The following SCN1A variants were observed in gnomAD, a reference collection of about 807,000 sequenced individuals.
SCN1A encodes the protein sodium channel protein type 1 subunit alpha.
A neutral mutation model predicts 193.7 loss-of-function variants in SCN1A; 13 were observed. The observed-to-expected ratio is 0.07, with a 90% CI of 0.04 to 0.11. The LOEUF (loss-of-function observed/expected upper bound fraction) is 0.11. Ranked by LOEUF, SCN1A falls within the 10% of genes least tolerant of loss-of-function variation. The pLI is 1.00. For missense variants in SCN1A, 1,432 were observed against 2,451.1 expected (o/e 0.58, Z 8.78); for synonymous variants, 781 against 843.6 (o/e 0.93, Z 1.29).
intron 4 of SCN1A, among the ~76,000 whole-genome samples, chr2:166,070,014 G>T (rs1262982403): frequency 6.6e-6 from 1 of 152,140 alleles, no homozygotes; most frequent in Non-Finnish European, 1.5e-5. Context: ...AATATTGAAA[G>T]AAATATTCAT....
chr2:166,036,014 G>A lies in SCN1A; in HGVS notation c.3429+34C>T, dbSNP rs376887066. ...TGTGTGTATATGTATATATGTATAT[G>A]TATTCATACCTTCCCACACCTATAG... On this transcript the variant is annotated intron_variant, in intron 19 of 28. Transcript: ENST00000674923. The A allele has an allele frequency of 5.2e-5, 83 of 1,594,806 alleles. No individual in the cohort carries two copies. In the African/African-American group the frequency reaches 9.9e-4, roughly 19 times the overall value.
intron 2 of SCN1A, among the ~76,000 whole-genome samples, chr2:166,113,020 A>G (rs1462640593): frequency 6.6e-6 from 1 of 152,158 alleles, no homozygotes; most frequent in East Asian, 1.9e-4. Flanking sequence ...GTAGCACATT[A>G]TTGAACTGGA....
intron 24 of SCN1A, among the ~76,000 whole-genome samples, chr2:166,001,303 TA>T (rs913976241): frequency 9.9e-5 from 15 of 151,718 alleles, no homozygotes; most frequent in African/African-American, 3.4e-4. Context: ...TTACCAGATT[TA>T]AAAAATCTCT....
chr2:166,143,221 C>T (rs986600501), intron 1 of SCN1A, among the ~76,000 whole-genome samples: 3 of 132,274 alleles, frequency 2.3e-5, no homozygotes, highest in South Asian at 2.3e-4. Context: ...GGCTGGAGTG[C>T]GGTGGCAGGA....
chr2:166,116,870 T>C (rs868044586), intron 2 of SCN1A, among the ~76,000 whole-genome samples: 2 of 152,132 alleles, frequency 1.3e-5, no homozygotes, highest in Admixed American at 6.5e-5. Context: ...AAAATAACCA[T>C]ATTTCTAAAA....
intron 2 of SCN1A, among the ~76,000 whole-genome samples, chr2:166,085,268 T>C (rs1335026051): frequency 6.6e-6 from 1 of 152,168 alleles, no homozygotes; most frequent in Non-Finnish European, 1.5e-5. Context: ...TATTAAGAAA[T>C]CATAGTTATT....
chr2:166,145,038 A>C (rs1447683235), intron 1 of SCN1A, among the ~76,000 whole-genome samples: 1 of 151,662 alleles, frequency 6.6e-6, no homozygotes, highest in Non-Finnish European at 1.5e-5. Context: ...GGGTTTCACC[A>C]TGTTGGTCAG....
chr2:166,056,283 T>C (rs1479500132), intron 6 of SCN1A, 128 bp downstream of exon 6: 5 of 681,796 alleles, frequency 7.3e-6, no homozygotes, highest in African/African-American at 1.8e-5. Flanking sequence ...CATTGTCCTC[T>C]TGCTGCGTAA....
chr2:166,101,772 C>A (rs1207251412), intron 2 of SCN1A, among the ~76,000 whole-genome samples: 4 of 152,058 alleles, frequency 2.6e-5, no homozygotes, highest in African/African-American at 9.7e-5. Context: ...AAACTCTAAA[C>A]CCTAGAAGAA....
intron 10 of SCN1A, among the ~76,000 whole-genome samples, chr2:166,048,278 T>C (rs1365066300): frequency 1.3e-5 from 2 of 152,064 alleles, no homozygotes; most frequent in East Asian, 1.9e-4. Flanking sequence ...TGAGGGTTTG[T>C]TGTGTAGATT....
intron 19 of SCN1A, among the ~76,000 whole-genome samples, chr2:166,025,382 G>A (rs186874029): frequency 6.0e-4 from 92 of 152,292 alleles, no homozygotes; most frequent in Non-Finnish European, 1.0e-3. Flanking sequence ...CCACATGGCT[G>A]CTGTATGCAA....
chr2:166,058,748 C>A, intron 4 of SCN1A, 60 bp from the exon 5 acceptor site: 1 of 923,958 alleles, frequency 1.1e-6, no homozygotes, highest in South Asian at 1.3e-5. Flanking sequence ...ACTCTGTTAT[C>A]TACTTTCTGT....
intron 19 of SCN1A, among the ~76,000 whole-genome samples, chr2:166,020,813 C>T (rs564441293): frequency 6.6e-6 from 1 of 151,796 alleles, no homozygotes; most frequent in Non-Finnish European, 1.5e-5. Flanking sequence ...AGATATTTGT[C>T]CTCTGGGGGA....
intron 2 of SCN1A, among the ~76,000 whole-genome samples, chr2:166,092,364 A>G (rs1686900222): frequency 6.6e-6 from 1 of 152,188 alleles, no homozygotes; most frequent in Admixed American, 6.5e-5. Context: ...TTTGAGAAAC[A>G]CTGTTTTAGA....
At chr2:166,029,427 C>T (rs944046147) in intron 19 of SCN1A, among the ~76,000 whole-genome samples, 1 of 151,908 alleles carries the variant, frequency 6.6e-6, no homozygotes, top group African/African-American at 2.4e-5. Context: ...CCCTAGTGAT[C>T]AATTAGAAGT....
At chr2:166,062,214 C>T (rs893188867) in intron 4 of SCN1A, among the ~76,000 whole-genome samples, 4 of 152,098 alleles carry the variant, frequency 2.6e-5, no homozygotes, top group African/African-American at 9.7e-5. Context: ...TATGTACAAA[C>T]TTCATAGATG....
At chr2:166,062,217 C>T (rs766571732) in intron 4 of SCN1A, among the ~76,000 whole-genome samples, 7 of 152,084 alleles carry the variant, frequency 4.6e-5, no homozygotes, top group Non-Finnish European at 8.8e-5. Context: ...GTACAAACTT[C>T]ATAGATGTAG....
chr2:166,129,902 GAGAGGGTA>G (rs1691584548), upstream of SCN1A, among the ~76,000 whole-genome samples: 1 of 152,156 alleles, frequency 6.6e-6, no homozygotes, highest in Non-Finnish European at 1.5e-5. Flanking sequence ...ACTGGAGCAA[GAGAGGGTA>G]TCTACGCAGC....
chr2:166,109,204 G>GA (rs774674134), intron 2 of SCN1A, among the ~76,000 whole-genome samples: 18 of 152,138 alleles, frequency 1.2e-4, no homozygotes, highest in East Asian at 1.2e-3. Context: ...TTATAATAAA[G>GA]AAAAATCTTT....
Sources: allele counts gnomAD v4.1 joint callset (sites outside exome capture counted in the v4.1 genomes callset), GRCh38; gene constraint gnomAD v4.1.1; transcripts MANE v1.5; gene names NCBI Gene and HGNC (gene_info 2026-07-23, HGNC 2026-07-21).